TRMT9B: variants seen among roughly 807,000 people sequenced by gnomAD.
TRMT9B encodes the protein tRNA methyltransferase 9B (putative).
TRMT9B carries 16 observed loss-of-function variants against 11.5 expected under a neutral mutation model. That is an observed-to-expected ratio of 1.39 (90% confidence interval 0.94 to 2.11). TRMT9B has a LOEUF of 2.11. Ranked by LOEUF, TRMT9B falls within the 30% of genes most tolerant of loss-of-function variation. TRMT9B has a pLI of 0.00. For missense variants in TRMT9B, 941 were observed against 553.8 expected, an observed-to-expected ratio of 1.70 and a Z score of -7.02; for synonymous variants, 274 against 192.4, an observed-to-expected ratio of 1.42 and a Z score of -3.51.
At chr8:12,965,430 T>A (rs1244921421) in intron 1 of TRMT9B, among the ~76,000 whole-genome samples, 1 of 152,102 alleles carries the variant, frequency 6.6e-6, no homozygotes, top group African/African-American at 2.4e-5. Flanking sequence ...CTCAAGGGCT[T>A]AGCCAGAAGA....
At chr8:13,004,166 C>T (rs925574685) in intron 2 of TRMT9B, among the ~76,000 whole-genome samples, 4 of 151,886 alleles carry the variant, frequency 2.6e-5, no homozygotes, top group South Asian at 2.1e-4. Context: ...ACTTGAGTTC[C>T]GGCAGGCCTC....
chr8:13,016,024 T>G (rs761626274), intron 4 of TRMT9B, among the ~76,000 whole-genome samples: 1 of 150,864 alleles, frequency 6.6e-6, no homozygotes, highest in Non-Finnish European at 1.5e-5. Context: ...GGTGAGAGGA[T>G]CCTTTGAGTT....
intron 1 of TRMT9B, among the ~76,000 whole-genome samples, chr8:12,956,128 A>G (rs1302536448): frequency 6.6e-6 from 1 of 152,224 alleles, no homozygotes; most frequent in Non-Finnish European, 1.5e-5. Flanking sequence ...CCAGAACCCT[A>G]GCTGCAAGGG....
intron 2 of TRMT9B, among the ~76,000 whole-genome samples, chr8:12,995,438 C>T (rs187612060): frequency 6.6e-6 from 1 of 152,264 alleles, no homozygotes; most frequent in East Asian, 1.9e-4. Context: ...CATATTAAGT[C>T]ATAGCTCTTA....
chr8:13,011,626 G>A (rs1318486699), intron 3 of TRMT9B: 2 of 971,852 alleles, frequency 2.1e-6, no homozygotes, highest in Non-Finnish European at 2.4e-6. Flanking sequence ...ATTCATTCAT[G>A]TTACTACCTA....
intron 3 of TRMT9B, chr8:13,010,364 T>G (rs1811369579): frequency 1.0e-6 from 1 of 977,410 alleles, no homozygotes; most frequent in Non-Finnish European, 1.2e-6. Flanking sequence ...AGAAAGAAGT[T>G]CAAAGGGATG....
At chr8:12,979,473 C>G (rs1805005241) in intron 1 of TRMT9B, among the ~76,000 whole-genome samples, 4 of 89,174 alleles carry the variant, frequency 4.5e-5, no homozygotes, top group Admixed American at 1.4e-4. Flanking sequence ...AAGACTCCAT[C>G]TCAAAATAAA....
At position 13,025,316 on chromosome 8, in the gene TRMT9B, T is replaced by G. The variant is rs1814562150; in HGVS notation, c.*3272T>G. 6.0e-6 allele frequency: 1 copy of G among 166,230 alleles called. No individual in the cohort carries two copies. Among genetic ancestry groups the G allele is most frequent in the Non-Finnish European group, 1.5e-5 (1 of 68,216 alleles). 10.3% of individuals were successfully genotyped at this position (166,230 alleles called of 1,614,324 possible). A position where few individuals can be genotyped will look rare whatever the true frequency, so the allele number is the denominator to read the frequency against. Reference sequence around the variant, plus strand: ...GGTGGATCAGCTGAGGTCAGGAGTTTGAGACCAGCCTGACCAACATGGTGA... The same window carrying G: ...GGTGGATCAGCTGAGGTCAGGAGTTGGAGACCAGCCTGACCAACATGGTGA... On this transcript the variant is annotated 3_prime_UTR_variant, in exon 5 of 5. Transcript: ENST00000524591.
At chr8:12,976,427 C>A (rs918546178) in intron 1 of TRMT9B, among the ~76,000 whole-genome samples, 4 of 151,072 alleles carry the variant, frequency 2.6e-5, no homozygotes, top group African/African-American at 9.7e-5. Flanking sequence ...GTGTGAGATA[C>A]TATATATTAG....
intron 4 of TRMT9B, among the ~76,000 whole-genome samples, chr8:13,015,482 G>C (rs908431811): frequency 4.1e-4 from 63 of 152,186 alleles, no homozygotes; most frequent in African/African-American, 1.5e-3. Context: ...CTCCCAAGTA[G>C]CTGGGACTAC....
chr8:12,997,708 A>G (rs1404103360), intron 2 of TRMT9B, among the ~76,000 whole-genome samples: 1 of 152,126 alleles, frequency 6.6e-6, no homozygotes, highest in East Asian at 1.9e-4. Context: ...ATATTCTAGC[A>G]TATGTCTTTT....
At chr8:12,994,244 C>A (rs191631969) in intron 2 of TRMT9B, among the ~76,000 whole-genome samples, 4 of 152,196 alleles carry the variant, frequency 2.6e-5, no homozygotes, top group African/African-American at 9.7e-5. Flanking sequence ...GGCTTGGGAA[C>A]GGATCAGGTA....
At chr8:12,983,888 T>A (rs1239609880) in intron 1 of TRMT9B, among the ~76,000 whole-genome samples, 1 of 152,238 alleles carries the variant, frequency 6.6e-6, no homozygotes. Context: ...TCTCATGTTG[T>A]GCTGCTTGGC....
intron 3 of TRMT9B, chr8:13,011,545 T>C (rs1811612183): frequency 2.1e-6 from 2 of 943,032 alleles, no homozygotes; most frequent in South Asian, 4.9e-5. Flanking sequence ...GGAAAGTAAT[T>C]AGATTATATA....
In TRMT9B at chr8:12,958,898, A is replaced by T. The variant is rs1478951559; in HGVS notation, c.-200+12932A>T. On this transcript the variant is annotated intron_variant, in intron 1 of 4. Coordinates refer to ENST00000524591, the MANE Select transcript of TRMT9B (RefSeq NM_020844.3). Reference sequence around the variant, plus strand: ...TCATAGGTGGGAATTGAACAATGAGAACACTTGGACACAGGGCGGGGAACA... The same window carrying T: ...TCATAGGTGGGAATTGAACAATGAGTACACTTGGACACAGGGCGGGGAACA... 4 of 152,196 alleles carry T rather than the reference A, an allele frequency of 2.6e-5. No homozygotes were observed. In the East Asian group the frequency reaches 7.7e-4, roughly 29 times the overall value. The allele number at this position is 152,196 out of a possible 1,614,324, so 9.4% of individuals were successfully genotyped here.
chr8:12,958,957 G>C (rs1340574910), intron 1 of TRMT9B, among the ~76,000 whole-genome samples: 3 of 152,160 alleles, frequency 2.0e-5, no homozygotes. Context: ...GTCGGGGGCT[G>C]TGGGAGGGAT....
intron 4 of TRMT9B, among the ~76,000 whole-genome samples, chr8:13,018,098 T>TA (rs372443756): frequency 0.71 from 95,379 of 134,844 alleles, 34,473 homozygotes; most frequent in Middle Eastern, 0.78. Context: ...AGGACTTTCT[T>TA]AAAAAAAAAA....
intron 1 of TRMT9B, among the ~76,000 whole-genome samples, chr8:12,982,333 G>A (rs984842245): frequency 9.8e-5 from 15 of 152,328 alleles, no homozygotes; most frequent in African/African-American, 3.6e-4. Flanking sequence ...ATTCTACTAT[G>A]CTTTGCATAC....
intron 1 of TRMT9B, among the ~76,000 whole-genome samples, chr8:12,954,866 A>T (rs1311536584): frequency 6.6e-6 from 1 of 152,200 alleles, no homozygotes; most frequent in Non-Finnish European, 1.5e-5. Flanking sequence ...ACATTTTAAG[A>T]GTTTGAACTA....
Sources: gnomAD v4.1 joint callset for allele counts (sites outside exome capture counted in the v4.1 genomes callset) on GRCh38, gnomAD v4.1.1 for gene constraint, MANE v1.5 for transcripts, NCBI Gene and HGNC (gene_info 2026-07-23, HGNC 2026-07-21) for gene names.